Variants in UNC5C observed in about 807,000 individuals in gnomAD.
The protein encoded by UNC5C is unc-5 netrin receptor C, also known as netrin receptor UNC5C.
In UNC5C, 47 loss-of-function variants were observed where a neutral mutation model predicts 99.8. The ratio of observed to expected loss-of-function variants is 0.47; its 90% CI spans 0.37 to 0.60. The LOEUF is 0.60. Ranked by LOEUF, UNC5C falls within the 20% of genes least tolerant of loss-of-function variation. The pLI is 0.00. For missense variants in UNC5C, 1,062 were observed against 1,165.9 expected (o/e 0.91, Z 1.30); for synonymous variants, 487 against 452.2 (o/e 1.08, Z -0.98).
intron 3 of UNC5C, among the ~76,000 whole-genome samples, chr4:95,299,531 A>G (rs959054530): frequency 5.3e-5 from 8 of 152,200 alleles, no homozygotes; most frequent in African/African-American, 1.9e-4. Context: ...TGAGAGGTGT[A>G]TTCATCTGTT....
intron 2 of UNC5C, among the ~76,000 whole-genome samples, chr4:95,331,348 CTGG>C (rs1743103756): frequency 6.6e-6 from 1 of 152,048 alleles, no homozygotes; most frequent in African/African-American, 2.4e-5. Flanking sequence ...AGTGGTATTG[CTGG>C]ATTAAATGGT....
chr4:95,386,808 C>A (rs886707608), intron 1 of UNC5C, among the ~76,000 whole-genome samples: 1 of 152,142 alleles, frequency 6.6e-6, no homozygotes, highest in African/African-American at 2.4e-5. Flanking sequence ...GTCTTGTGCT[C>A]CTCTTATGCT....
chr4:95,284,546 T>A (rs747334705), intron 3 of UNC5C, among the ~76,000 whole-genome samples: 43 of 152,168 alleles, frequency 2.8e-4, no homozygotes, highest in Non-Finnish European at 3.2e-4. Flanking sequence ...CAGAACTTTT[T>A]GGACACTTGG....
chr4:95,520,741 G>A (rs530828303), intron 1 of UNC5C, among the ~76,000 whole-genome samples: 1 of 151,950 alleles, frequency 6.6e-6, no homozygotes, highest in African/African-American at 2.4e-5. Flanking sequence ...TGGAACTACA[G>A]GTGCCGGCCA....
intron 7 of UNC5C, among the ~76,000 whole-genome samples, chr4:95,229,515 A>T (rs36137963): frequency 0.43 from 65,476 of 151,976 alleles, 15,002 homozygotes; most frequent in East Asian, 0.71. Context: ...ATTTTCTTTA[A>T]GCAGTCTATC....
intron 1 of UNC5C, among the ~76,000 whole-genome samples, chr4:95,450,120 G>A (rs959886310): frequency 4.6e-5 from 7 of 152,208 alleles, no homozygotes; most frequent in Non-Finnish European, 1.0e-4. Context: ...CCCTTTGAGA[G>A]AACAGATAAC....
chr4:95,172,436 C>T (rs1309731735), intron 14 of UNC5C, among the ~76,000 whole-genome samples: 1 of 152,092 alleles, frequency 6.6e-6, no homozygotes. Flanking sequence ...AGGAAGAGAT[C>T]CAGTTTCAGC....
At chr4:95,510,423 ATT>A (rs1722040079) in intron 1 of UNC5C, among the ~76,000 whole-genome samples, 1 of 148,296 alleles carries the variant, frequency 6.7e-6, no homozygotes, top group African/African-American at 2.6e-5. Flanking sequence ...GCTAATAATC[ATT>A]CTTTTTTTCC....
chr4:95,367,024 C>T (rs1407390504), intron 1 of UNC5C, among the ~76,000 whole-genome samples: 1 of 152,052 alleles, frequency 6.6e-6, no homozygotes, highest in Non-Finnish European at 1.5e-5. Flanking sequence ...AAACCTGTAT[C>T]ATTTCATCTT....
At chr4:95,291,231 A>G (rs1741432589) in intron 3 of UNC5C, among the ~76,000 whole-genome samples, 1 of 152,176 alleles carries the variant, frequency 6.6e-6, no homozygotes, top group Admixed American at 6.5e-5. Flanking sequence ...AAAAATGATT[A>G]TATGTCATCA....
chr4:95,172,738 C>A (rs1365047683), intron 14 of UNC5C, among the ~76,000 whole-genome samples: 2 of 151,640 alleles, frequency 1.3e-5, no homozygotes, highest in Non-Finnish European at 2.9e-5. Context: ...TTTTTGGTTC[C>A]ATATGAACTT....
intron 1 of UNC5C, among the ~76,000 whole-genome samples, chr4:95,423,684 G>T (rs1174925658): frequency 1.3e-5 from 2 of 152,186 alleles, no homozygotes; most frequent in Non-Finnish European, 2.9e-5. Context: ...CTTTTAAAAT[G>T]AAGAGTACAT....
chr4:95,295,551 C>T (rs749868824), intron 3 of UNC5C, among the ~76,000 whole-genome samples: 15 of 152,156 alleles, frequency 9.9e-5, no homozygotes, highest in Non-Finnish European at 1.8e-4. Context: ...AGTCAATATT[C>T]ATTTATGGTT....
chr4:95,365,327 AAATAC>A (rs1469443550), intron 1 of UNC5C, among the ~76,000 whole-genome samples: 1 of 148,170 alleles, frequency 6.7e-6, no homozygotes, highest in Non-Finnish European at 1.5e-5. Flanking sequence ...GAAATAAAGA[AAATAC>A]AATACAACAT....
rs556748306 is a variant in UNC5C, at chr4:95,202,836, C to G, written c.2031G>C (p.Ala677=). 6.2e-7 allele frequency: 1 copy of G among 1,614,204 alleles called. No homozygotes were observed. Among genetic ancestry groups the G allele is most frequent in the East Asian group, 2.2e-5 (1 of 44,876 alleles). ...TGGCCAGCTTGAGGCGCTTCGCAGC[C>G]GCTTTGGTGGTGGAATGTCCTACCA... The part of the protein sequence containing the change: ...YALVGHSTTK[A]AAKRLKLAIF... The change falls in exon 12 of 16, where the codon GCG becomes GCC. Residue 677 remains alanine, a synonymous_variant. Coordinates refer to ENST00000453304, the MANE Select transcript of UNC5C (RefSeq NM_003728.4).
intron 1 of UNC5C, among the ~76,000 whole-genome samples, chr4:95,489,999 G>A (rs866929867): frequency 8.6e-5 from 13 of 151,564 alleles, no homozygotes; most frequent in Middle Eastern, 6.8e-3. Context: ...CAGAACCATG[G>A]CACACAACTG....
chr4:95,328,199 A>C (rs1292669186), intron 2 of UNC5C, among the ~76,000 whole-genome samples: 1 of 94,234 alleles, frequency 1.1e-5, no homozygotes, highest in African/African-American at 3.5e-5. Context: ...ATATCTCCCA[A>C]TGCTATCCCT....
chr4:95,508,572 C>T (rs1721986266), intron 1 of UNC5C, among the ~76,000 whole-genome samples: 1 of 151,898 alleles, frequency 6.6e-6, no homozygotes, highest in Admixed American at 6.6e-5. Flanking sequence ...TTTATTCATG[C>T]TGTGACTCAT....
At chr4:95,250,880 C>A (rs1227196853) in intron 4 of UNC5C, among the ~76,000 whole-genome samples, 1 of 152,208 alleles carries the variant, frequency 6.6e-6, no homozygotes, top group African/African-American at 2.4e-5. Context: ...ACTCACCTGC[C>A]AAACATGCTG....
Sources: gnomAD v4.1 joint callset for allele counts (sites outside exome capture counted in the v4.1 genomes callset) on GRCh38, gnomAD v4.1.1 for gene constraint, MANE v1.5 for transcripts, NCBI Gene and HGNC (gene_info 2026-07-23, HGNC 2026-07-21) for gene names.